The following PDE4B variants were observed in gnomAD, a reference collection of about 807,000 sequenced individuals.
The protein encoded by PDE4B is phosphodiesterase 4B, also known as 3',5'-cyclic-AMP phosphodiesterase 4B.
A neutral mutation model predicts 82.2 loss-of-function variants in PDE4B; 20 were observed. The ratio of observed to expected loss-of-function variants is 0.24; its 90% CI spans 0.17 to 0.35. The LOEUF (loss-of-function observed/expected upper bound fraction) is 0.35. Ranked by LOEUF, PDE4B falls within the 10% of genes least tolerant of loss-of-function variation. PDE4B has a pLI of 1.00. For synonymous variants in PDE4B, 320 were observed against 318.9 expected (o/e 1.00, Z -0.04); for missense variants, 655 against 907.2 (o/e 0.72, Z 3.57).
At chr1:65,838,638 T>C (rs116713813) in intron 1 of PDE4B, among the ~76,000 whole-genome samples, 1,509 of 149,478 alleles carry the variant, frequency 0.01, 11 homozygotes, top group African/African-American at 0.024. Flanking sequence ...TGTATATATA[T>C]ACATATACAT....
intron 3 of PDE4B, among the ~76,000 whole-genome samples, chr1:66,171,954 A>G (rs1410246887): frequency 6.6e-6 from 1 of 152,202 alleles, no homozygotes; most frequent in African/African-American, 2.4e-5. Flanking sequence ...TCTTTTTAAA[A>G]AATTTCAACT....
intron 3 of PDE4B, among the ~76,000 whole-genome samples, chr1:66,179,920 G>A (rs1647024702): frequency 6.6e-6 from 1 of 152,118 alleles, no homozygotes; most frequent in South Asian, 2.1e-4. Flanking sequence ...GAAGGAAATG[G>A]GGCCTAATTG....
chr1:65,976,620 G>T (rs1569866060), intron 3 of PDE4B, among the ~76,000 whole-genome samples: 1 of 152,108 alleles, frequency 6.6e-6, no homozygotes, highest in African/African-American at 2.4e-5. Context: ...GGCGGGACCT[G>T]GTGAGAGGTG....
chr1:66,263,365 G>A (rs1473284758), intron 6 of PDE4B, among the ~76,000 whole-genome samples: 5 of 152,198 alleles, frequency 3.3e-5, no homozygotes, highest in Non-Finnish European at 7.3e-5. Flanking sequence ...GTGTGCAAAG[G>A]CACAGCAACA....
intron 16 of PDE4B, 142 bp from the exon 17 acceptor site, chr1:66,372,171 T>C: frequency 2.5e-6 from 2 of 814,534 alleles, no homozygotes; most frequent in Non-Finnish European, 3.9e-6. Context: ...CCCACTGTAT[T>C]GTGAGTGCCC....
At chr1:65,827,626 A>T (rs1646033978) in intron 1 of PDE4B, among the ~76,000 whole-genome samples, 9 of 152,224 alleles carry the variant, frequency 5.9e-5, no homozygotes, top group Admixed American at 5.9e-4. Context: ...AAAACCGAAG[A>T]AGATCAGAGC....
chr1:66,063,422 A>G (rs928177026), intron 3 of PDE4B, among the ~76,000 whole-genome samples: 4 of 152,014 alleles, frequency 2.6e-5, no homozygotes, highest in Admixed American at 6.6e-5. Flanking sequence ...ACAGCTCCCC[A>G]GGTAATTCTA....
intron 1 of PDE4B, among the ~76,000 whole-genome samples, chr1:65,865,699 C>T (rs1013251637): frequency 2.0e-5 from 3 of 152,290 alleles, no homozygotes; most frequent in East Asian, 1.9e-4. Context: ...GCTCTTCCTC[C>T]GTGGGCTGCA....
rs12086034 is a variant in PDE4B, at chr1:65,990,765, T to A, written c.281+71930T>A. ...AGCAGCTAATATGATTTTAGGTAAG[T>A]TGCTTAAATTCTCTAGCTCTGTTAC... is the stretch of plus-strand genomic sequence containing the variant. On this transcript the variant is annotated intron_variant, in intron 3 of 16. Transcript: ENST00000341517. Among the ~76,000 whole-genome samples, 752 of 152,312 alleles carry A rather than the reference T, an allele frequency of 4.9e-3. 8 individuals carry two copies. The highest frequency in any genetic ancestry group is 0.016 in the African/African-American group (670 of 41,574).
At chr1:66,335,037 A>C (rs1225441449) in intron 8 of PDE4B, among the ~76,000 whole-genome samples, 1 of 152,254 alleles carries the variant, frequency 6.6e-6, no homozygotes, top group Non-Finnish European at 1.5e-5. Flanking sequence ...TGTTGCTGAA[A>C]TTATCTGAGA....
At chr1:66,152,823 T>C (rs1222108336) in intron 3 of PDE4B, among the ~76,000 whole-genome samples, 1 of 152,034 alleles carries the variant, frequency 6.6e-6, no homozygotes, top group African/African-American at 2.4e-5. Flanking sequence ...GACTGGAAAC[T>C]TAAGCAGATG....
intron 3 of PDE4B, among the ~76,000 whole-genome samples, chr1:66,101,531 G>C (rs1169991134): frequency 1.3e-5 from 2 of 152,122 alleles, no homozygotes; most frequent in African/African-American, 4.8e-5. Flanking sequence ...ATTCTAACTG[G>C]TGTGAAATGG....
chr1:65,923,925 A>G (rs1033713966), intron 3 of PDE4B, among the ~76,000 whole-genome samples: 1 of 151,776 alleles, frequency 6.6e-6, no homozygotes, highest in Non-Finnish European at 1.5e-5. Context: ...TTCTCTGCCA[A>G]TCTTTCTCCT....
At chr1:66,370,150 C>CAAAAA (rs752920376) in intron 16 of PDE4B, among the ~76,000 whole-genome samples, 106 of 28,634 alleles carry the variant, frequency 3.7e-3, no homozygotes, top group East Asian at 4.5e-3. Flanking sequence ...GACTCTATCT[C>CAAAAA]AAAAAAAAAA....
chr1:66,100,879 C>A (rs552187025), intron 3 of PDE4B, among the ~76,000 whole-genome samples: 1 of 152,120 alleles, frequency 6.6e-6, no homozygotes, highest in East Asian at 1.9e-4. Flanking sequence ...ATGTGCACAA[C>A]GTGCAGGTTT....
intron 1 of PDE4B, among the ~76,000 whole-genome samples, chr1:65,795,427 G>A (rs956860191): frequency 6.6e-6 from 1 of 152,222 alleles, no homozygotes; most frequent in Non-Finnish European, 1.5e-5. Context: ...CAAAACAAAT[G>A]AGTTCCTTCA....
chr1:66,339,830 T>G (rs998746718), intron 8 of PDE4B, among the ~76,000 whole-genome samples: 2 of 135,878 alleles, frequency 1.5e-5, no homozygotes, highest in Non-Finnish European at 3.0e-5. Flanking sequence ...TTTAGTTTTT[T>G]TTTGTTTGTT....
At chr1:66,096,259 A>G (rs111296955) in intron 3 of PDE4B, among the ~76,000 whole-genome samples, 128 of 151,762 alleles carry the variant, frequency 8.4e-4, no homozygotes, top group African/African-American at 2.7e-3. Flanking sequence ...ATGAGTGAGA[A>G]CATGCAGTTT....
At chr1:66,244,272 T>C (rs1653122634) in intron 3 of PDE4B, among the ~76,000 whole-genome samples, 1 of 152,188 alleles carries the variant, frequency 6.6e-6, no homozygotes, top group South Asian at 2.1e-4. Flanking sequence ...AATAAACTGC[T>C]AGTAATGATG....
Sources: gnomAD v4.1 joint callset for allele counts (sites outside exome capture counted in the v4.1 genomes callset) on GRCh38, gnomAD v4.1.1 for gene constraint, MANE v1.5 for transcripts, NCBI Gene and HGNC (gene_info 2026-07-23, HGNC 2026-07-21) for gene names.